MAP4K2: variants seen among roughly 807,000 people sequenced by gnomAD.
The protein encoded by MAP4K2 is B lymphocyte serine/threonine protein kinase.
MAP4K2 carries 85 observed loss-of-function variants against 125.3 expected under a neutral mutation model. The ratio of observed to expected loss-of-function variants is 0.68; its 90% CI spans 0.57 to 0.81. The LOEUF is 0.81. Ranked by LOEUF, MAP4K2 falls within the 40% of genes least tolerant of loss-of-function variation. The probability of loss-of-function intolerance (pLI) is 0.00; values close to 1 mark genes in which losing one functional copy is unlikely to be tolerated. For synonymous variants in MAP4K2, 479 were observed against 445.1 expected, an observed-to-expected ratio of 1.08 and a Z score of -0.96; for missense variants, 923 against 1,056.4, an observed-to-expected ratio of 0.87 and a Z score of 1.75.
In MAP4K2 at chr11:64,791,950, G is replaced by A. The variant is rs1376938585; in HGVS notation, c.2051C>T (p.Pro684Leu). 6.2e-7 allele frequency: 1 copy of A among 1,605,660 alleles called. No homozygotes were observed. Among genetic ancestry groups the A allele is most frequent in the Non-Finnish European group, 8.5e-7 (1 of 1,176,322 alleles). Residue 684 changes from proline to leucine, a missense_variant, in exon 27 of 32, where the codon CCC (proline) becomes CTC (leucine). Pro to Leu is a moderately conservative substitution (Grantham distance 98). Transcript: ENST00000294066. Reference sequence around the variant, plus strand: ...GTCGGGCGTCAGGCCAGCCTCCAGGGGCAGGACATGGAACAGGACGCGGCA... The same window carrying A: ...GTCGGGCGTCAGGCCAGCCTCCAGGAGCAGGACATGGAACAGGACGCGGCA... ...PGCRVLFHVLPLEAGLTPDIL... is the reference protein window; with the variant it reads ...PGCRVLFHVLLLEAGLTPDIL...
intron 10 of MAP4K2, 78 bp downstream of exon 10, chr11:64,800,686 C>T (rs1274358663): frequency 1.3e-6 from 2 of 1,537,130 alleles, no homozygotes; most frequent in Non-Finnish European, 1.8e-6. Context: ...GGGTTGCCCC[C>T]CGGGAGTTGG....
intron 4 of MAP4K2, 65 bp from the exon 5 acceptor site, chr11:64,802,186 G>T: frequency 6.9e-7 from 1 of 1,452,944 alleles, no homozygotes; most frequent in Non-Finnish European, 9.6e-7. Context: ...CCAGGCTACC[G>T]TGTGTGGGAA....
rs138163806 is a variant in MAP4K2 at position 64,799,654 on chromosome 11, G to A, written c.945C>T (p.His315=). 3.1e-6 allele frequency: 5 copies of A among 1,613,862 alleles called. No homozygotes were observed. Among genetic ancestry groups the A allele is most frequent in the Middle Eastern group, 1.6e-4 (1 of 6,084 alleles). ...ETYDMFPDTI[H]SRGQHGPAER... The stretch of plus-strand genomic sequence containing the variant: ...CGGCTGGGCCGTGCTGCCCCCGGGA[G>A]TGAATGGTGTCTGGAAACATGTCAT... Residue 315 remains histidine (H), a synonymous_variant, in exon 13 of 32, where the codon CAC becomes CAT. Coordinates refer to ENST00000294066, the MANE Select transcript of MAP4K2 (RefSeq NM_004579.5).
At chr11:64,801,951 G>T in intron 5 of MAP4K2, 115 bp downstream of exon 5, 1 of 1,209,858 alleles carries the variant, frequency 8.3e-7, no homozygotes. Flanking sequence ...AGGACCTACA[G>T]CCCCTCGGGC....
Position 64,792,023 on chromosome 11 carries a change from C to G in MAP4K2, c.1978G>C (p.Glu660Gln), listed in dbSNP as rs1277339108. ...GCCCCAACACACACCTGCGGCAGCT[C>G]CTTCCCATCCAGCACCAGCGGCTCC... Reference protein sequence around the residue: ...MLEPLVLDGKELPQVCVGAEG... With the variant: ...MLEPLVLDGKQLPQVCVGAEG... Residue 660 changes from glutamate (E) to glutamine (Q), a missense_variant, in exon 27 of 32, where the codon GAG (glutamate) becomes CAG (glutamine). Physicochemically the swap from Glu to Gln is conservative, Grantham distance 29 (BLOSUM62 2). Transcript: ENST00000294066. 1 of 1,597,542 alleles carries G rather than the reference C, an allele frequency of 6.3e-7. No homozygotes were observed. The highest frequency in any genetic ancestry group is 8.5e-7 in the Non-Finnish European group (1 of 1,172,736).
rs760475362 is a variant in MAP4K2 at position 64,800,920 on chromosome 11, C to T, written c.642G>A (p.Leu214=). The change falls in exon 9 of 32, where the codon CTG becomes CTA. Residue 214 remains leucine, a synonymous_variant. Coordinates refer to ENST00000294066, the MANE Select transcript of MAP4K2 (RefSeq NM_004579.5). ...CTGACCTCATGGGGTGCAGGTGGAACAGAGGGGGCTGCAGCTCGCCCAGCT... is the reference window on the plus strand; with the variant it reads ...CTGACCTCATGGGGTGCAGGTGGAATAGAGGGGGCTGCAGCTCGCCCAGCT... ...AIELGELQPP[L]FHLHPMRALM... 1 of 1,614,032 alleles carries T rather than the reference C, an allele frequency of 6.2e-7. No homozygotes were observed. Among genetic ancestry groups the T allele is most frequent in the Non-Finnish European group, 8.5e-7 (1 of 1,180,008 alleles).
chr11:64,787,671 G>GTA lies in MAP4K2; in HGVS notation c.*1865_*1866insTA, dbSNP rs998434033. ...CTTTGCTGGCAGCAAGCGTTTTATG[G>GTA]GAGGCCCCCACTTTGGCAGTTTACA... On this transcript the variant is annotated 3_prime_UTR_variant, in exon 32 of 32. Transcript: ENST00000294066. The GTA allele has an allele frequency of 6.6e-6, 1 of 152,178 alleles. No homozygotes were observed. The highest frequency in any genetic ancestry group is 2.4e-5 in the African/African-American group (1 of 41,436). The allele number at this position is 152,178 out of a possible 1,614,324, so 9.4% of individuals were successfully genotyped here.
chr11:64,790,483 C>T (rs1379543951), intron 27 of MAP4K2, 21 bp from the exon 28 acceptor site: 9 of 1,612,522 alleles, frequency 5.6e-6, no homozygotes, highest in Non-Finnish European at 7.6e-6. Context: ...AGAAGAGAGA[C>T]ATGGCCTGGC....
rs756969619 is a variant in MAP4K2 at position 64,800,099 on chromosome 11, C to A, written c.915+10G>T. ...AGCCCAAGACTCACTTTCCAGCCCCCCTCACCTACCTCCAGCTCACAGTCC... is the reference window on the plus strand; with the variant it reads ...AGCCCAAGACTCACTTTCCAGCCCCACTCACCTACCTCCAGCTCACAGTCC... On this transcript the variant is annotated intron_variant, in intron 12 of 31. Transcript: ENST00000294066. 1.3e-6 allele frequency: 2 copies of A among 1,587,596 alleles called. No individual in the cohort carries two copies. Among genetic ancestry groups the A allele is most frequent in the Admixed American group, 1.8e-5 (1 of 56,416 alleles).
At chr11:64,802,184 C>T (rs1055085290) in intron 4 of MAP4K2, 63 bp from the exon 5 acceptor site, 83 of 1,463,822 alleles carry the variant, frequency 5.7e-5, no homozygotes, top group Non-Finnish European at 7.6e-5. Flanking sequence ...TCCCAGGCTA[C>T]CGTGTGTGGG....
At chr11:64,790,891 T>C (rs971590129) in intron 27 of MAP4K2, among the ~76,000 whole-genome samples, 1 of 152,182 alleles carries the variant, frequency 6.6e-6, no homozygotes, top group African/African-American at 2.4e-5. Flanking sequence ...ATCCCAGCAC[T>C]GTGGGAGGCC....
chr11:64,789,840 G>A (rs943749513), intron 30 of MAP4K2, 49 bp downstream of exon 30: 16 of 1,614,018 alleles, frequency 9.9e-6, no homozygotes, highest in African/African-American at 1.3e-5. Context: ...TTTCCAAAGA[G>A]GTAGGGACCA....
intron 12 of MAP4K2, 139 bp from the exon 13 acceptor site, chr11:64,799,822 C>A: frequency 1.4e-6 from 1 of 693,178 alleles, no homozygotes; most frequent in Non-Finnish European, 2.5e-6. Context: ...TGGAACCCCA[C>A]TTCACAGATG....
chr11:64,792,335 C>CCCCCCCCCCCCCCCCCCCCCCCAACAT, intron 25 of MAP4K2, 29 bp downstream of exon 25: 1 of 1,520,560 alleles, frequency 6.6e-7, no homozygotes, highest in Non-Finnish European at 9.0e-7. Context: ...CACCAGGCCC[C>CCCCCCCCCCCCCCCCCCCCCCCAACAT]GCCCCACCCC....
At chr11:64,800,240 A>C in intron 11 of MAP4K2, 24 bp from the exon 12 acceptor site, 1 of 1,612,126 alleles carries the variant, frequency 6.2e-7, no homozygotes, top group Non-Finnish European at 8.5e-7. Flanking sequence ...GAGGGGGGTG[A>C]TCAGGTTGGC....
At chr11:64,798,001 CTTT>C (rs761143115) in intron 15 of MAP4K2, among the ~76,000 whole-genome samples, 3 of 127,632 alleles carry the variant, frequency 2.4e-5, no homozygotes, top group African/African-American at 5.8e-5. Flanking sequence ...CACACCCGGG[CTTT>C]TTTTTTTTTT....
At position 64,800,196 on chromosome 11, in the gene MAP4K2, C is replaced by A. The variant is rs1413665419; in HGVS notation, c.828G>T (p.Gln276His). 1.2e-5 allele frequency: 20 copies of A among 1,613,248 alleles called. No individual in the cohort carries two copies. The highest frequency in any genetic ancestry group is 1.7e-5 in the Non-Finnish European group (20 of 1,179,800). ...GCTGTGTGAGGAGGGCCCGAGGGAGCTGCTGAGTCGTGAACGGGTGCTGGA... is the reference window on the plus strand; with the variant it reads ...GCTGTGTGAGGAGGGCCCGAGGGAGATGCTGAGTCGTGAACGGGTGCTGGA... Reference protein sequence around the residue: ...KLLQHPFTTQQLPRALLTQLL... With the variant: ...KLLQHPFTTQHLPRALLTQLL... Residue 276 changes from glutamine (Q) to histidine (H), a missense_variant, in exon 12 of 32, where the codon CAG becomes CAT. Coordinates refer to ENST00000294066, the MANE Select transcript of MAP4K2 (RefSeq NM_004579.5).
chr11:64,790,547 C>T (rs1167929033), intron 27 of MAP4K2, 85 bp from the exon 28 acceptor site: 2 of 1,337,692 alleles, frequency 1.5e-6, no homozygotes, highest in South Asian at 1.2e-5. Context: ...CTACAGACAG[C>T]CCTTGGCCAT....
rs79516942 is a variant in MAP4K2, at chr11:64,790,263, T to C, written c.2173A>G (p.Ile725Val). 1 of 1,614,044 alleles carries C rather than the reference T, an allele frequency of 6.2e-7. No individual in the cohort carries two copies. Among genetic ancestry groups the C allele is most frequent in the Non-Finnish European group, 8.5e-7 (1 of 1,179,982 alleles). The change falls in exon 29 of 32, where the codon ATT becomes GTT. Residue 725 changes from isoleucine to valine, a missense_variant. Physicochemically the swap from Ile to Val is conservative, Grantham distance 29. Coordinates refer to ENST00000294066, the MANE Select transcript of MAP4K2 (RefSeq NM_004579.5). Reference protein sequence around the residue: ...ILVSFERCVRIVNMQGEPTAT... With the variant: ...ILVSFERCVRVVNMQGEPTAT... Reference sequence around the variant, plus strand: ...GTGGGCTCGCCCTGCATGTTGACAATCCTCACACAGCCTGCACAGGGAAGG... The same window carrying C: ...GTGGGCTCGCCCTGCATGTTGACAACCCTCACACAGCCTGCACAGGGAAGG...
Sources: allele counts gnomAD v4.1 joint callset (sites outside exome capture counted in the v4.1 genomes callset), GRCh38; gene constraint gnomAD v4.1.1; transcripts MANE v1.5; gene names NCBI Gene and HGNC (gene_info 2026-07-23, HGNC 2026-07-21).